Variants in EDEM2 observed in about 807,000 individuals in gnomAD.
The protein encoded by EDEM2 is ER degradation-enhancing alpha-mannosidase-like protein 2.
EDEM2 carries 39 observed loss-of-function variants against 64.8 expected under a neutral mutation model. That is an observed-to-expected ratio of 0.60 (90% CI 0.47 to 0.79). The LOEUF is 0.79. Ranked by LOEUF, EDEM2 falls within the 30% of genes least tolerant of loss-of-function variation. The pLI is 0.00. For synonymous variants in EDEM2, 296 were observed against 291.5 expected (o/e 1.02, Z -0.16); for missense variants, 609 against 731.3 (o/e 0.83, Z 1.93).
rs373551304 is a variant in EDEM2, at chr20:35,128,113, T to C, written c.845-1738A>G. Among the ~76,000 whole-genome samples the C allele has an allele frequency of 3.3e-4, 50 of 152,244 alleles. 1 individual carries two copies. In the East Asian group the frequency reaches 3.7e-3, roughly 11 times the overall value. On this transcript the variant is annotated intron_variant, in intron 7 of 10. Transcript: ENST00000374492. Reference sequence around the variant, plus strand: ...TTATATAAAAAAAGTCGGCTGGGCGTGGTGGCTCACACCTGTAATCCCAGC... The same window carrying C: ...TTATATAAAAAAAGTCGGCTGGGCGCGGTGGCTCACACCTGTAATCCCAGC...
chr20:35,131,845 C>G lies in EDEM2; in HGVS notation c.703-62G>C. 5 of 1,580,158 alleles carry G rather than the reference C, an allele frequency of 3.2e-6. No individual in the cohort carries two copies. The South Asian group carries it at 5.6e-5, about 18-fold the overall frequency. On this transcript the variant is annotated intron_variant, in intron 6 of 10. Coordinates refer to ENST00000374492, the MANE Select transcript of EDEM2 (RefSeq NM_018217.3). ...GCCGATGGCCAAAGAAGGATCTACT[C>G]ACCCCCAACCCTGACTGCCCAGGGA...
rs561810720 is a variant in EDEM2, at chr20:35,147,071, G to C, written c.107+81C>G. On this transcript the variant is annotated intron_variant, in intron 1 of 10. Transcript: ENST00000374492. ...CTAGCGGCTGTGTCGGAGCAAGTCG[G>C]GGTCTGGGATGGACGGAAAGGGAAA... is the stretch of plus-strand genomic sequence containing the variant. 13 of 1,548,740 alleles carry C rather than the reference G, an allele frequency of 8.4e-6. No homozygotes were observed. The African/African-American group carries it at 9.5e-5, about 11-fold the overall frequency.
chr20:35,136,152 A>G (rs1463462530), intron 5 of EDEM2, among the ~76,000 whole-genome samples: 9 of 152,232 alleles, frequency 5.9e-5, no homozygotes, highest in African/African-American at 1.9e-4. Context: ...CCAGCGGGAG[A>G]GCAAGTCACA....
intron 7 of EDEM2, 61 bp from the exon 8 acceptor site, chr20:35,126,436 T>C: frequency 1.3e-6 from 2 of 1,593,544 alleles, no homozygotes; most frequent in Non-Finnish European, 8.6e-7. Flanking sequence ...AAGGCAGGCC[T>C]GGACAGCGGA....
chr20:35,116,998 G>C (rs537329672), intron 10 of EDEM2: 1 of 152,198 alleles, frequency 6.6e-6, no homozygotes, highest in South Asian at 2.1e-4. Context: ...TCACCATGTT[G>C]GTCAGGCTGG....
chr20:35,135,449 G>A (rs896184787), intron 5 of EDEM2, among the ~76,000 whole-genome samples: 3 of 152,160 alleles, frequency 2.0e-5, no homozygotes, highest in African/African-American at 4.8e-5. Flanking sequence ...CCAGGAGTTC[G>A]AGACCAGCCT....
At chr20:35,142,841 C>T (rs11167258) in intron 3 of EDEM2, among the ~76,000 whole-genome samples, 20,741 of 152,096 alleles carry the variant, frequency 0.14, 1,739 homozygotes, top group African/African-American at 0.24. Context: ...TCTTGGCTCA[C>T]TTCAAACTCC....
chr20:35,139,830 T>C (rs1276568774), intron 4 of EDEM2, among the ~76,000 whole-genome samples: 2 of 144,052 alleles, frequency 1.4e-5, no homozygotes, highest in African/African-American at 2.4e-5. Context: ...TCTCTACTTT[T>C]ATGTTTGAAG....
intron 6 of EDEM2, among the ~76,000 whole-genome samples, chr20:35,132,358 A>C (rs1393141246): frequency 6.6e-6 from 1 of 151,876 alleles, no homozygotes; most frequent in Non-Finnish European, 1.5e-5. Context: ...GACTGTGAAA[A>C]ATTGGCAATG....
chr20:35,115,468 C>T lies in EDEM2; in HGVS notation c.1702G>A (p.Ala568Thr), dbSNP rs2085295827. ...TCTAGGAAAACCTGTCCCAGTAATG[C>T]CAACTTGGAGGTGAAGGGCTGACTG... ...CPSQPFTSKL[A>T]LLGQVFLDSS Residue 568 changes from alanine to threonine, a missense_variant, in exon 11 of 11, where the codon GCA becomes ACA. Physicochemically the swap from Ala to Thr is moderately conservative, Grantham distance 58 (BLOSUM62 0). Coordinates refer to ENST00000374492, the MANE Select transcript of EDEM2 (RefSeq NM_018217.3). 2 of 1,613,788 alleles carry T rather than the reference C, an allele frequency of 1.2e-6. No homozygotes were observed. Among genetic ancestry groups the T allele is most frequent in the Non-Finnish European group, 1.7e-6 (2 of 1,179,866 alleles).
Position 35,115,808 on chromosome 20 carries a change from G to A in EDEM2, c.1362C>T (p.Phe454=), listed in dbSNP as rs764625791. The A allele has an allele frequency of 8.7e-6, 14 of 1,613,722 alleles. No individual in the cohort carries two copies. The highest frequency in any genetic ancestry group is 4.0e-5 in the African/African-American group (3 of 74,588). ...CCCCATAGGGGGTGATCACCGCGTC[G>A]AAGGTGGACCCATTGTTGTGGATGA... The part of the protein sequence containing the change: ...TNFIHNNGST[F]DAVITPYGEC... Residue 454 remains phenylalanine (F), a synonymous_variant, in exon 11 of 11, where the codon TTC becomes TTT. Coordinates refer to ENST00000374492, the MANE Select transcript of EDEM2 (RefSeq NM_018217.3).
At chr20:35,127,974 G>T (rs2889874) in intron 7 of EDEM2, among the ~76,000 whole-genome samples, 72,273 of 152,086 alleles carry the variant, frequency 0.48, 19,197 homozygotes, top group East Asian at 0.69. Flanking sequence ...CTACTGTGCT[G>T]CCAGTCATAA....
intron 5 of EDEM2, among the ~76,000 whole-genome samples, chr20:35,136,197 G>A (rs767411426): frequency 6.6e-6 from 1 of 152,182 alleles, no homozygotes; most frequent in Non-Finnish European, 1.5e-5. Flanking sequence ...TTCAGAAAAA[G>A]TCAGGCTGTA....
chr20:35,146,749 C>T, intron 2 of EDEM2, 76 bp downstream of exon 2: 1 of 1,505,184 alleles, frequency 6.6e-7, no homozygotes, highest in East Asian at 2.4e-5. Context: ...CATGAAGCCA[C>T]CAGCCCCAGC....
chr20:35,134,360 C>T (rs982173306), intron 6 of EDEM2, among the ~76,000 whole-genome samples: 1 of 152,160 alleles, frequency 6.6e-6, no homozygotes, highest in Admixed American at 6.5e-5. Flanking sequence ...CTCAGTATCT[C>T]TCAGAACCGG....
intron 5 of EDEM2, among the ~76,000 whole-genome samples, chr20:35,135,199 G>A (rs2085559655): frequency 6.6e-6 from 1 of 152,176 alleles, no homozygotes; most frequent in Admixed American, 6.5e-5. Context: ...GGAGCAGGCT[G>A]TGCTCCACAC....
chr20:35,123,618 T>G (rs564844063), intron 9 of EDEM2, among the ~76,000 whole-genome samples: 1 of 152,054 alleles, frequency 6.6e-6, no homozygotes, highest in Admixed American at 6.6e-5. Flanking sequence ...AAAAAGAGCA[T>G]GCAATTTAGT....
At chr20:35,137,457 T>C (rs2085592533) in intron 5 of EDEM2, among the ~76,000 whole-genome samples, 1 of 151,920 alleles carries the variant, frequency 6.6e-6, no homozygotes, top group South Asian at 2.1e-4. Context: ...AAAGAGTGGC[T>C]TGGTCACGAT....
intron 10 of EDEM2, chr20:35,118,354 G>C (rs958135963): frequency 6.1e-6 from 3 of 493,236 alleles, no homozygotes; most frequent in African/African-American, 3.9e-5. Flanking sequence ...GGAATGCCAA[G>C]GGCCGGGGTC....
Sources: gnomAD v4.1 joint callset for allele counts (sites outside exome capture counted in the v4.1 genomes callset) on GRCh38, gnomAD v4.1.1 for gene constraint, MANE v1.5 for transcripts, NCBI Gene and HGNC (gene_info 2026-07-23, HGNC 2026-07-21) for gene names.